Variants in PRKDC observed in about 807,000 individuals in gnomAD.
PRKDC encodes the protein DNA-dependent protein kinase catalytic subunit.
Under a neutral mutation model 486.9 loss-of-function variants are expected in PRKDC, and 82 were observed. That is an observed-to-expected ratio of 0.17 (90% CI 0.14 to 0.20). PRKDC has a LOEUF of 0.20. PRKDC is among the 10% of genes least tolerant of loss of function. The pLI, the probability that PRKDC is intolerant of heterozygous loss-of-function variation, is 1.00. For missense variants in PRKDC, 4,504 were observed against 5,038.2 expected (o/e 0.89, Z 3.21); for synonymous variants, 1,895 against 1,837.0 (o/e 1.03, Z -0.81).
At chr8:47,926,105 A>C (rs186340524) in intron 21 of PRKDC, among the ~76,000 whole-genome samples, 1 of 152,358 alleles carries the variant, frequency 6.6e-6, no homozygotes, top group East Asian at 1.9e-4. Context: ...AACTCAAAAA[A>C]GAAAATTAAA....
chr8:47,951,362 GA>G (rs1326044488), intron 7 of PRKDC, among the ~76,000 whole-genome samples: 1 of 141,614 alleles, frequency 7.1e-6, no homozygotes, highest in Admixed American at 7.0e-5. Flanking sequence ...CCCTGTCTCA[GA>G]AAAAAAAAAG....
intron 1 of PRKDC, 55 bp from the exon 2 acceptor site, chr8:47,957,486 C>A: frequency 7.2e-7 from 1 of 1,386,746 alleles, no homozygotes; most frequent in African/African-American, 1.4e-5. Context: ...ATCATGTAAA[C>A]CACTCCTAAA....
chr8:47,914,498 G>A, intron 23 of PRKDC, among the ~76,000 whole-genome samples: 1 of 152,084 alleles, frequency 6.6e-6, no homozygotes, highest in East Asian at 1.9e-4. Flanking sequence ...AATCAAAAAT[G>A]TAGACTTTTG....
Position 47,773,257 on chromosome 8 carries a change from G to T in PRKDC, c.*916C>A, listed in dbSNP as rs77770830. ...CAGTTTGGGTGTGGAGGACTGGCGGGGGGGGACAGGGACTGCACATGGGAA... is the reference window on the plus strand; with the variant it reads ...CAGTTTGGGTGTGGAGGACTGGCGGTGGGGGACAGGGACTGCACATGGGAA... On this transcript the variant is annotated 3_prime_UTR_variant, in exon 86 of 86. Transcript: ENST00000314191. 2.6e-4 allele frequency: 59 copies of T among 227,976 alleles called. No homozygotes were observed. Among genetic ancestry groups the T allele is most frequent in the South Asian group, 2.2e-3 (12 of 5,534 alleles). The allele number at this position is 227,976 out of a possible 1,614,324, so 14.1% of individuals were successfully genotyped here. A position where few individuals can be genotyped will look rare whatever the true frequency, so the allele number is the denominator to read the frequency against.
chr8:47,941,128 TC>T (rs2090437813), intron 10 of PRKDC, among the ~76,000 whole-genome samples: 1 of 117,668 alleles, frequency 8.5e-6, no homozygotes. Flanking sequence ...AAACTCCATC[TC>T]AAAAAAAAAA....
At chr8:47,858,727 G>T in intron 47 of PRKDC, 92 bp from the exon 48 acceptor site, 2 of 1,443,866 alleles carry the variant, frequency 1.4e-6, no homozygotes, top group South Asian at 3.0e-5. Flanking sequence ...AGTAAGACAT[G>T]AACAAAAAAA....
intron 85 of PRKDC, among the ~76,000 whole-genome samples, chr8:47,775,219 AT>A (rs2086586929): frequency 6.6e-6 from 1 of 151,730 alleles, no homozygotes; most frequent in Non-Finnish European, 1.5e-5. Context: ...AAATAAATTA[AT>A]TAATTAATAG....
At chr8:47,830,472 C>G in intron 61 of PRKDC, 133 bp downstream of exon 61, 3 of 1,238,986 alleles carry the variant, frequency 2.4e-6, no homozygotes, top group Non-Finnish European at 2.2e-6. Flanking sequence ...TATACCAAGT[C>G]CACCGTTGAG....
rs763624830 is a variant in PRKDC at position 47,831,914 on chromosome 8, C to A, written c.8165G>T (p.Arg2722Leu). The A allele has an allele frequency of 3.7e-6, 6 of 1,612,366 alleles. No homozygotes were observed. In the Admixed American group the frequency reaches 5.0e-5, roughly 13 times the overall value. The change falls in exon 60 of 86, where the codon CGG (arginine) becomes CTG (leucine). Residue 2722 changes from arginine (R) to leucine (L), a missense_variant. By Grantham distance (102) the Arg-to-Leu change is moderately radical. Around this residue, in one of 6 missense-constraint regions of PRKDC, gnomAD observed 1,592 missense variants for 1,724.6 expected, o/e 0.92. Coordinates refer to ENST00000314191, the MANE Select transcript of PRKDC (RefSeq NM_006904.7). The part of the protein sequence containing the change: ...VDNKVKGAAG[R>L]TDLLRLRRRF... ...TCTGCGCAGTCGTAGTAGGTCCGTC[C>A]GGCCGGCCGCACCTGGAGAGGGAAA...
In PRKDC at chr8:47,897,314, T is replaced by G; in HGVS notation, c.3465-20A>C. On this transcript the variant is annotated intron_variant, in intron 29 of 85. Coordinates refer to ENST00000314191, the MANE Select transcript of PRKDC (RefSeq NM_006904.7). ...AATCCTCTGCACAGAGACAGCATAC[T>G]GTCATTAGTCCCTCTCCAACATGCA... The G allele has an allele frequency of 1.9e-6, 3 of 1,548,326 alleles. No homozygotes were observed. Among genetic ancestry groups the G allele is most frequent in the Non-Finnish European group, 2.6e-6 (3 of 1,136,702 alleles).
chr8:47,914,205 T>C, intron 23 of PRKDC, 141 bp from the exon 24 acceptor site: 1 of 701,348 alleles, frequency 1.4e-6, no homozygotes, highest in Non-Finnish European at 2.0e-6. Context: ...TTCCCTTTTC[T>C]TTTGCCTCAG....
In PRKDC at chr8:47,799,348, C is replaced by G; in HGVS notation, c.10159G>C (p.Glu3387Gln). ...LYQRAFQHLS[E>Q]AVQAAEEEAQ... Reference sequence around the variant, plus strand: ...TCCTCCTCAGCCGCCTGCACAGCCTCAGAGAGGTGCTGGAATGCTCTCTGG... The same window carrying G: ...TCCTCCTCAGCCGCCTGCACAGCCTGAGAGAGGTGCTGGAATGCTCTCTGG... The change falls in exon 72 of 86, where the codon GAG becomes CAG. Residue 3387 changes from glutamate to glutamine, a missense_variant. Glu to Gln is a conservative substitution (Grantham distance 29). Transcript: ENST00000314191. 1 of 1,608,782 alleles carries G rather than the reference C, an allele frequency of 6.2e-7. No homozygotes were observed. Among genetic ancestry groups the G allele is most frequent in the Non-Finnish European group, 8.5e-7 (1 of 1,178,852 alleles).
chr8:47,818,351 G>A (rs917587448), intron 67 of PRKDC, among the ~76,000 whole-genome samples: 4 of 151,886 alleles, frequency 2.6e-5, no homozygotes, highest in African/African-American at 7.2e-5. Context: ...AGGCCGAGGC[G>A]GGCGGATCAC....
chr8:47,854,250 T>C lies in PRKDC; in HGVS notation c.6762-36A>G, dbSNP rs762308080. The C allele has an allele frequency of 4.4e-6, 7 of 1,604,262 alleles. No individual in the cohort carries two copies. The Admixed American group carries it at 6.7e-5, about 15-fold the overall frequency. ...AGCACAAAGGAGAAAATTGAGACTGTTGCATAATCAAGTAAGAAGCAGGAA... is the reference window on the plus strand; with the variant it reads ...AGCACAAAGGAGAAAATTGAGACTGCTGCATAATCAAGTAAGAAGCAGGAA... On this transcript the variant is annotated intron_variant, in intron 50 of 85. Transcript: ENST00000314191.
At chr8:47,932,041 C>G (rs1223516791) in intron 16 of PRKDC, among the ~76,000 whole-genome samples, 2 of 151,864 alleles carry the variant, frequency 1.3e-5, no homozygotes, top group African/African-American at 4.8e-5. Flanking sequence ...CAGGTGCCCG[C>G]CACCACGCCC....
At chr8:47,927,422 A>C in intron 20 of PRKDC, 69 bp from the exon 21 acceptor site, 2 of 1,482,908 alleles carry the variant, frequency 1.3e-6, no homozygotes, top group Admixed American at 4.6e-5. Flanking sequence ...AAAAACACCA[A>C]GTAATTGTGA....
intron 38 of PRKDC, among the ~76,000 whole-genome samples, chr8:47,880,378 C>G (rs1394852192): frequency 6.6e-6 from 1 of 152,184 alleles, no homozygotes; most frequent in Non-Finnish European, 1.5e-5. Context: ...CTGAGCTTAA[C>G]AAGAACTAGG....
At chr8:47,798,505 C>T in intron 72 of PRKDC, 108 bp from the exon 73 acceptor site, 1 of 1,198,194 alleles carries the variant, frequency 8.3e-7, no homozygotes, top group Non-Finnish European at 1.1e-6. Context: ...TTTGTAGTGT[C>T]ATTGTTCTCT....
At chr8:47,820,984 A>G (rs1357424778) in intron 65 of PRKDC, 41 bp from the exon 66 acceptor site, 1 of 1,254,956 alleles carries the variant, frequency 8.0e-7, no homozygotes, top group Non-Finnish European at 1.1e-6. Context: ...CAGAAGGCCA[A>G]TTTGAGTATG....
Sources: gnomAD v4.1 joint callset for allele counts (sites outside exome capture counted in the v4.1 genomes callset) on GRCh38, gnomAD v4.1.1 for gene constraint, gnomAD v4.1.1 regional missense constraint, MANE v1.5 for transcripts, NCBI Gene and HGNC (gene_info 2026-07-23, HGNC 2026-07-21) for gene names.